RNASEH1: variants seen among roughly 807,000 people sequenced by gnomAD.
RNASEH1 encodes ribonuclease H type II.
RNASEH1 carries 27 observed loss-of-function variants against 34.6 expected under a neutral mutation model. The observed-to-expected ratio is 0.78, with a 90% confidence interval of 0.58 to 1.08. The LOEUF is 1.08. Among genes scored for constraint, RNASEH1 ranks in the 50% least tolerant of loss-of-function variants. The probability of loss-of-function intolerance (pLI) is 0.00; values close to 1 mark genes in which losing one functional copy is unlikely to be tolerated. For missense variants in RNASEH1, 349 were observed against 373.6 expected (o/e 0.93, Z 0.54); for synonymous variants, 162 against 138.4 (o/e 1.17, Z -1.20).
At chr2:3,552,729 G>GGT (rs1660096929) in intron 2 of RNASEH1, among the ~76,000 whole-genome samples, 4 of 152,066 alleles carry the variant, frequency 2.6e-5, no homozygotes, top group Admixed American at 2.6e-4. Flanking sequence ...TGGGCGCAGT[G>GGT]GTGTGTGCCT....
At chr2:3,557,984 G>T in intron 1 of RNASEH1, 149 bp downstream of exon 1, 1 of 1,490,128 alleles carries the variant, frequency 6.7e-7, no homozygotes. Context: ...CGGCCGAGCA[G>T]GAAAACGAGG....
rs913861211 is a variant in RNASEH1, at chr2:3,545,662, T to C, written c.*123A>G. ...CAGAAGGCCACTGTGCCTGATTCCG[T>C]GTGAAAGACGCATCTGCCCATCACT... On this transcript the variant is annotated 3_prime_UTR_variant, in exon 8 of 8. Coordinates refer to ENST00000315212, the MANE Select transcript of RNASEH1 (RefSeq NM_002936.6). The C allele has an allele frequency of 5.7e-6, 4 of 698,870 alleles. No individual in the cohort carries two copies. The highest frequency in any genetic ancestry group is 2.2e-5 in the Admixed American group (1 of 45,234). The allele number at this position is 698,870 out of a possible 1,614,324, so 43.3% of individuals were successfully genotyped here.
Position 3,541,776 on chromosome 2 carries a change from C to A in RNASEH1, c.*4009G>T, listed in dbSNP as rs1668326321. Reference sequence around the variant, plus strand: ...GGTGGTGATGGACATGTTCTGGCGACAGCTTCACAGGCAAATGCATCGGTC... The same window carrying A: ...GGTGGTGATGGACATGTTCTGGCGAAAGCTTCACAGGCAAATGCATCGGTC... On this transcript the variant is annotated 3_prime_UTR_variant, in exon 8 of 8. Transcript: ENST00000315212. Among the ~76,000 whole-genome samples, 1 of 152,224 alleles carries A rather than the reference C, an allele frequency of 6.6e-6. No individual in the cohort carries two copies. Among genetic ancestry groups the A allele is most frequent in the Non-Finnish European group, 1.5e-5 (1 of 68,044 alleles).
rs940112028 is a variant in RNASEH1 at position 3,558,283 on chromosome 2, G to A, written c.-23C>T. On this transcript the variant is annotated 5_prime_UTR_variant, in exon 1 of 8. Coordinates refer to ENST00000315212, the MANE Select transcript of RNASEH1 (RefSeq NM_002936.6). ...CATCGCTCACTCCCGGCACCGGGAAGCATTTCGACTCCCGGCCCAGCGTGG... is the reference window on the plus strand; with the variant it reads ...CATCGCTCACTCCCGGCACCGGGAAACATTTCGACTCCCGGCCCAGCGTGG... The A allele has an allele frequency of 3.9e-6, 6 of 1,535,710 alleles. 1 individual carries two copies. Among genetic ancestry groups the A allele is most frequent in the African/African-American group, 2.8e-5 (2 of 70,694 alleles).
chr2:3,547,697 C>G (rs930028523), intron 7 of RNASEH1, among the ~76,000 whole-genome samples: 1 of 152,100 alleles, frequency 6.6e-6, no homozygotes, highest in African/African-American at 2.4e-5. Flanking sequence ...CCATACTGGC[C>G]AGGCTGGTCT....
chr2:3,540,247 G>A (rs1668221738), downstream of RNASEH1, among the ~76,000 whole-genome samples: 1 of 151,962 alleles, frequency 6.6e-6, no homozygotes. Context: ...TCATTGTTAA[G>A]TTTCTAAAGA....
At chr2:3,557,918 T>G (rs1302403286) in intron 1 of RNASEH1, 10 of 1,526,582 alleles carry the variant, frequency 6.6e-6, no homozygotes, top group Non-Finnish European at 8.8e-6. Context: ...TTCTGATATT[T>G]CAAACAAGTC....
Position 3,551,858 on chromosome 2 carries a change from G to A in RNASEH1, c.409+286C>T, listed in dbSNP as rs534699590. On this transcript the variant is annotated intron_variant, in intron 3 of 7. Transcript: ENST00000315212. ...GTTATTTGAAAAAGCTGGAGTCTTC[G>A]CATTTCATCTTAACGTTAAGTACTG... 8.5e-5 allele frequency among the ~76,000 whole-genome samples: 13 copies of A among 152,308 alleles called. 1 individual carries two copies. The South Asian group carries it at 2.1e-3, about 24-fold the overall frequency.
chr2:3,537,165 G>A (rs1335247925), downstream of RNASEH1, among the ~76,000 whole-genome samples: 4 of 152,140 alleles, frequency 2.6e-5, no homozygotes, highest in Non-Finnish European at 5.9e-5. Context: ...TACCTAAAAG[G>A]AGCACACTAC....
chr2:3,549,133 AG>A lies in RNASEH1; in HGVS notation c.510-22del, dbSNP rs1283907988. The A allele has an allele frequency of 2.5e-6, 4 of 1,581,704 alleles. No individual in the cohort carries two copies. The African/African-American group carries it at 5.4e-5, about 21-fold the overall frequency. ...CATTTCTGTTTCAAAACAGTACAAA[AG>A]AAAATAAAAGTATAAAGTGAATTCT... On this transcript the variant is annotated intron_variant, in intron 4 of 7. Coordinates refer to ENST00000315212, the MANE Select transcript of RNASEH1 (RefSeq NM_002936.6).
At chr2:3,555,853 C>A (rs1487566881) in intron 2 of RNASEH1, among the ~76,000 whole-genome samples, 1 of 152,184 alleles carries the variant, frequency 6.6e-6, no homozygotes, top group East Asian at 1.9e-4. Flanking sequence ...CTTTGAATAA[C>A]CGTACTTTCT....
intron 4 of RNASEH1, among the ~76,000 whole-genome samples, chr2:3,549,865 G>A (rs1669111888): frequency 6.6e-6 from 1 of 151,444 alleles, no homozygotes; most frequent in African/African-American, 2.4e-5. Context: ...AGAATGGCGT[G>A]AACCTGGGAA....
rs191381616 is a variant in RNASEH1, at chr2:3,551,357, T to C, written c.409+787A>G. 2.4e-3 allele frequency among the ~76,000 whole-genome samples: 360 copies of C among 152,310 alleles called. 1 individual carries two copies. The highest frequency in any genetic ancestry group is 8.3e-3 in the African/African-American group (344 of 41,570). On this transcript the variant is annotated intron_variant, in intron 3 of 7. Coordinates refer to ENST00000315212, the MANE Select transcript of RNASEH1 (RefSeq NM_002936.6). Reference sequence around the variant, plus strand: ...CTGAACTGTCTCAGGAGCCAGCACCTGCTATCCGCCATGTTCCAGGCCACC... The same window carrying C: ...CTGAACTGTCTCAGGAGCCAGCACCCGCTATCCGCCATGTTCCAGGCCACC...
intron 2 of RNASEH1, among the ~76,000 whole-genome samples, chr2:3,556,239 G>A (rs1266318862): frequency 6.6e-6 from 1 of 151,402 alleles, no homozygotes; most frequent in African/African-American, 2.4e-5. Context: ...CACCACAAAG[G>A]GGCATGCCAT....
chr2:3,536,430 C>A (rs938800426), downstream of RNASEH1, among the ~76,000 whole-genome samples: 1 of 152,236 alleles, frequency 6.6e-6, no homozygotes, highest in Non-Finnish European at 1.5e-5. Context: ...CGAGTCCCCT[C>A]GTGGACCAGG....
At chr2:3,540,925 C>A (rs1668262117), downstream of RNASEH1, among the ~76,000 whole-genome samples, 1 of 151,994 alleles carries the variant, frequency 6.6e-6, no homozygotes, top group African/African-American at 2.4e-5. Context: ...ACATTTGTAA[C>A]AGAATGAGGT....
At position 3,545,613 on chromosome 2, in the gene RNASEH1, A is replaced by T; in HGVS notation, c.*172T>A. The T allele has an allele frequency of 1.6e-6, 1 of 606,078 alleles. No homozygotes were observed. 37.5% of individuals were successfully genotyped at this position (606,078 alleles called of 1,614,324 possible). On this transcript the variant is annotated 3_prime_UTR_variant, in exon 8 of 8. Coordinates refer to ENST00000315212, the MANE Select transcript of RNASEH1 (RefSeq NM_002936.6). ...AGATGTTCAATTTATTATATACTTAACCATTTTTTATAAACACATGTCACA... is the reference window on the plus strand; with the variant it reads ...AGATGTTCAATTTATTATATACTTATCCATTTTTTATAAACACATGTCACA...
chr2:3,556,912 A>C lies in RNASEH1; in HGVS notation c.129-8T>G, dbSNP rs1289209179. ...TGTGCTCTGCACTCATTCCTGGAAA[A>C]GATGTGCAATGTTATTTCCTTCTTC... On this transcript the variant is annotated splice_region_variant and splice_polypyrimidine_tract_variant and intron_variant, in intron 1 of 7. Transcript: ENST00000315212. 1 of 1,586,494 alleles carries C rather than the reference A, an allele frequency of 6.3e-7. No individual in the cohort carries two copies. The highest frequency in any genetic ancestry group is 1.7e-5 in the Admixed American group (1 of 59,978).
intron 1 of RNASEH1, chr2:3,557,842 A>C: frequency 7.1e-7 from 1 of 1,405,366 alleles, no homozygotes; most frequent in Non-Finnish European, 9.5e-7. Context: ...GTTGCACTTT[A>C]ACTGCAACAA....
Sources: gnomAD v4.1 joint callset for allele counts (sites outside exome capture counted in the v4.1 genomes callset) on GRCh38, gnomAD v4.1.1 for gene constraint, MANE v1.5 for transcripts, NCBI Gene and HGNC (gene_info 2026-07-23, HGNC 2026-07-21) for gene names.